CTNNBL1: variants seen among roughly 807,000 people sequenced by gnomAD.
CTNNBL1 encodes beta-catenin-like protein 1.
A neutral mutation model predicts 72.7 loss-of-function variants in CTNNBL1; 31 were observed. That is an observed-to-expected ratio of 0.43 (90% CI 0.32 to 0.58). The LOEUF (loss-of-function observed/expected upper bound fraction) is 0.58, where lower values mean the gene tolerates loss of function less well. Ranked by LOEUF, CTNNBL1 falls within the 20% of genes least tolerant of loss-of-function variation. CTNNBL1 has a pLI of 0.08. For synonymous variants in CTNNBL1, 240 were observed against 267.3 expected, an observed-to-expected ratio of 0.90 and a Z score of 1.00; for missense variants, 534 against 725.1, an observed-to-expected ratio of 0.74 and a Z score of 3.03.
At chr20:37,809,763 C>T (rs2071992756) in intron 11 of CTNNBL1, among the ~76,000 whole-genome samples, 2 of 152,148 alleles carry the variant, frequency 1.3e-5, no homozygotes, top group Non-Finnish European at 2.9e-5. Flanking sequence ...GGACAGATGG[C>T]AAAACAACTT....
chr20:37,722,473 AAAATAAATAAATAAATAAAT>A (rs60211876), intron 1 of CTNNBL1, among the ~76,000 whole-genome samples: 222 of 142,268 alleles, frequency 1.6e-3, no homozygotes, highest in African/African-American at 4.5e-3. Flanking sequence ...GGCTCCGTCT[AAAATAAATAAATAAATAAAT>A]AAATAAATAA....
At chr20:37,788,693 T>A (rs559511449) in intron 10 of CTNNBL1, among the ~76,000 whole-genome samples, 162 of 152,386 alleles carry the variant, frequency 1.1e-3, no homozygotes, top group African/African-American at 3.8e-3. Context: ...GCCTTTCAAC[T>A]CTCTTCTTCC....
intron 11 of CTNNBL1, chr20:37,832,494 G>A (rs897481783): frequency 6.6e-6 from 1 of 152,232 alleles, no homozygotes; most frequent in Non-Finnish European, 1.5e-5. Context: ...CAAATAAGAA[G>A]ACTGAGGCTC....
intron 1 of CTNNBL1, among the ~76,000 whole-genome samples, chr20:37,699,692 T>C (rs1478384814): frequency 2.0e-5 from 3 of 152,198 alleles, no homozygotes; most frequent in Admixed American, 1.3e-4. Context: ...AATTGTCTGA[T>C]TTGAACATCC....
intron 11 of CTNNBL1, among the ~76,000 whole-genome samples, chr20:37,838,466 G>A (rs1038339082): frequency 6.6e-6 from 1 of 152,234 alleles, no homozygotes; most frequent in African/African-American, 2.4e-5. Flanking sequence ...AGAAAGAAGA[G>A]AATCAAAGGC....
chr20:37,860,432 T>A, intron 15 of CTNNBL1, 88 bp downstream of exon 15: 1 of 1,094,942 alleles, frequency 9.1e-7, no homozygotes, highest in Middle Eastern at 2.0e-4. Flanking sequence ...TGGTATTTGA[T>A]GTGGAGCGTT....
intron 4 of CTNNBL1, among the ~76,000 whole-genome samples, chr20:37,747,815 A>G (rs554830448): frequency 2.6e-5 from 4 of 152,192 alleles, no homozygotes; most frequent in African/African-American, 9.6e-5. Flanking sequence ...CCTGGCCTCA[A>G]GTGATTTTGC....
At chr20:37,870,011 TAA>T (rs56281604) in intron 15 of CTNNBL1, among the ~76,000 whole-genome samples, 7 of 110,278 alleles carry the variant, frequency 6.3e-5, no homozygotes, top group African/African-American at 6.8e-5. Context: ...CGCCATCTCC[TAA>T]AAAAAAAAAA....
At chr20:37,821,336 G>T (rs1293100755) in intron 11 of CTNNBL1, among the ~76,000 whole-genome samples, 1 of 152,190 alleles carries the variant, frequency 6.6e-6, no homozygotes, top group Non-Finnish European at 1.5e-5. Flanking sequence ...CCTTACGCGT[G>T]GGGGTGGATA....
At position 37,829,107 on chromosome 20, in the gene CTNNBL1, T is replaced by G. The variant is rs1443088961; in HGVS notation, c.1214-10995T>G. Among the ~76,000 whole-genome samples, 5 of 152,144 alleles carry G rather than the reference T, an allele frequency of 3.3e-5. No homozygotes were observed. In the South Asian group the frequency reaches 1.0e-3, roughly 32 times the overall value. On this transcript the variant is annotated intron_variant, in intron 11 of 15. Transcript: ENST00000361383. ...TCAGAAACCAGGACGTCTGTCCATC[T>G]GGGGGGCAGGGGGCAGGTGGGTGGC...
chr20:37,871,184 G>T (rs776099704), intron 15 of CTNNBL1, among the ~76,000 whole-genome samples: 12 of 152,184 alleles, frequency 7.9e-5, no homozygotes, highest in Non-Finnish European at 1.3e-4. Context: ...GTGGTCCCAA[G>T]AATTTGTGTT....
rs79378436 is a variant in CTNNBL1 at position 37,871,441 on chromosome 20, C to T, written c.1604-484C>T. ...CTGCTGAGGGCCGTCCTATTGCATC[C>T]TCACATTGCAGAAGGGGGAAGGGCA... is the stretch of plus-strand genomic sequence containing the variant. On this transcript the variant is annotated intron_variant, in intron 15 of 15. Coordinates refer to ENST00000361383, the MANE Select transcript of CTNNBL1 (RefSeq NM_030877.5). 7.4e-4 allele frequency among the ~76,000 whole-genome samples: 113 copies of T among 152,292 alleles called. 3 individuals carry two copies. In the East Asian group the frequency reaches 0.021, roughly 29 times the overall value.
At chr20:37,741,468 G>A (rs925022423) in intron 3 of CTNNBL1, among the ~76,000 whole-genome samples, 2 of 152,202 alleles carry the variant, frequency 1.3e-5, no homozygotes, top group Non-Finnish European at 2.9e-5. Flanking sequence ...CTAGCAATAA[G>A]TTAGTTAATA....
At chr20:37,694,195 G>C (rs1427584318) in intron 1 of CTNNBL1, 43 bp downstream of exon 1, 3 of 1,547,560 alleles carry the variant, frequency 1.9e-6, no homozygotes, top group African/African-American at 1.4e-5. Context: ...TTCTCACCTG[G>C]GCAGGGGTCG....
At chr20:37,730,616 T>C (rs1038096524) in intron 1 of CTNNBL1, among the ~76,000 whole-genome samples, 3 of 152,236 alleles carry the variant, frequency 2.0e-5, no homozygotes, top group Non-Finnish European at 4.4e-5. Flanking sequence ...CCCCTTTCAC[T>C]ACTGCTCTGT....
At chr20:37,826,684 AC>A (rs2072163007) in intron 11 of CTNNBL1, among the ~76,000 whole-genome samples, 2 of 152,154 alleles carry the variant, frequency 1.3e-5, no homozygotes, top group Admixed American at 6.5e-5. Flanking sequence ...ATACTCATGT[AC>A]CTGCCACCCA....
Position 37,777,405 on chromosome 20 carries a change from C to T in CTNNBL1, c.811C>T (p.Gln271Ter). Reference protein sequence around the residue: ...YCSEVLAILLQDNDENRELLG... With the variant: ...YCSEVLAILL ...CAGTGAAGTGCTGGCCATATTGCTC[C>T]AGGACAATGATGGTGAGGCGCCCTC... The change falls in exon 8 of 16, where the codon CAG becomes TAG. Residue 271 changes from glutamine to a stop codon, truncating the protein, a stop_gained. Transcript: ENST00000361383. LOFTEE classifies it high-confidence loss of function. The T allele has an allele frequency of 6.2e-7, 1 of 1,613,782 alleles. No individual in the cohort carries two copies. Among genetic ancestry groups the T allele is most frequent in the Non-Finnish European group, 8.5e-7 (1 of 1,179,748 alleles).
intron 1 of CTNNBL1, among the ~76,000 whole-genome samples, chr20:37,732,159 A>C (rs1191284629): frequency 6.6e-6 from 1 of 152,200 alleles, no homozygotes; most frequent in Admixed American, 6.5e-5. Flanking sequence ...CCTGATGATT[A>C]GTGATGGTAA....
chr20:37,737,434 A>G lies in CTNNBL1; in HGVS notation c.276A>G (p.Arg92=). 1 of 1,613,746 alleles carries G rather than the reference A, an allele frequency of 6.2e-7. No individual in the cohort carries two copies. Among genetic ancestry groups the G allele is most frequent in the Non-Finnish European group, 8.5e-7 (1 of 1,179,796 alleles). Residue 92 remains arginine, a synonymous_variant, in exon 3 of 16, where the codon AGA becomes AGG. Coordinates refer to ENST00000361383, the MANE Select transcript of CTNNBL1 (RefSeq NM_030877.5). ...AAATGATCCTCACATTTGAAAAGAG[A>G]TCATATAAAAACCAAGAATTGCGGA... ...VKKMILTFEK[R]SYKNQELRIK...
Sources: gnomAD v4.1 joint callset for allele counts (sites outside exome capture counted in the v4.1 genomes callset) on GRCh38, gnomAD v4.1.1 for gene constraint, MANE v1.5 for transcripts, NCBI Gene and HGNC (gene_info 2026-07-23, HGNC 2026-07-21) for gene names.